GSDMB: variants seen among roughly 807,000 people sequenced by gnomAD.
GSDMB encodes gasdermin-B.
A neutral mutation model predicts 42.9 loss-of-function variants in GSDMB; 32 were observed. That is an observed-to-expected ratio of 0.75 (90% CI 0.56 to 1.00). The LOEUF (loss-of-function observed/expected upper bound fraction) is 1.00, where lower values mean the gene tolerates loss of function less well. Among genes scored for constraint, GSDMB ranks in the 50% least tolerant of loss-of-function variants. The pLI, the probability that GSDMB is intolerant of heterozygous loss-of-function variation, is 0.00. For missense variants in GSDMB, 468 were observed against 498.5 expected, an observed-to-expected ratio of 0.94 and a Z score of 0.58; for synonymous variants, 175 against 193.7, an observed-to-expected ratio of 0.90 and a Z score of 0.80.
rs111605941 is a variant in GSDMB at position 39,909,939 on chromosome 17, G to T, written c.408-15C>A. 7.5e-6 allele frequency: 12 copies of T among 1,604,776 alleles called. No homozygotes were observed. The African/African-American group carries it at 9.4e-5, about 13-fold the overall frequency. On this transcript the variant is annotated splice_polypyrimidine_tract_variant and intron_variant, in intron 3 of 10. Transcript: ENST00000418519. Reference sequence around the variant, plus strand: ...TCTTCAGCTTCCTGGAGAGAGTGGAGAGAGATGAGAGTTAAGGATCTCAGG... The same window carrying T: ...TCTTCAGCTTCCTGGAGAGAGTGGATAGAGATGAGAGTTAAGGATCTCAGG...
chr17:39,914,924 C>A (rs2063681569), intron 2 of GSDMB, among the ~76,000 whole-genome samples: 2 of 151,438 alleles, frequency 1.3e-5, no homozygotes, highest in Admixed American at 6.6e-5. Context: ...GCAACCTCCA[C>A]CTCCCAGGTT....
At chr17:39,914,118 C>T (rs774891910) in intron 2 of GSDMB, among the ~76,000 whole-genome samples, 6 of 152,174 alleles carry the variant, frequency 3.9e-5, no homozygotes, top group Non-Finnish European at 5.9e-5. Context: ...AGAAACCTGA[C>T]AAACATTACC....
chr17:39,906,397 C>T lies in GSDMB; in HGVS notation c.728-126G>A, dbSNP rs953059424. On this transcript the variant is annotated intron_variant, in intron 7 of 10. Coordinates refer to ENST00000418519, the MANE Select transcript of GSDMB (RefSeq NM_001165958.2). ...GTATCTTCCCTTCTTCCAGTCTTTC[C>T]GTGTTAAAATTAAGCATCCTTCTTC... The T allele has an allele frequency of 1.9e-5, 19 of 1,022,700 alleles. No individual in the cohort carries two copies. In the East Asian group the frequency reaches 4.0e-4, roughly 22 times the overall value. 63.4% of individuals were successfully genotyped at this position (1,022,700 alleles called of 1,614,324 possible). A position where few individuals can be genotyped will look rare whatever the true frequency, so the allele number is the denominator to read the frequency against.
chr17:39,908,623 G>A (rs12939832), intron 5 of GSDMB, among the ~76,000 whole-genome samples: 53,057 of 151,926 alleles, frequency 0.35, 10,792 homozygotes, highest in Non-Finnish European at 0.44. Flanking sequence ...CAGGTGATCC[G>A]CCCACCTTGG....
chr17:39,905,996 G>C lies in GSDMB; in HGVS notation c.889-11C>G, dbSNP rs759181514. 1.9e-6 allele frequency: 3 copies of C among 1,613,746 alleles called. No homozygotes were observed. Among genetic ancestry groups the C allele is most frequent in the Non-Finnish European group, 2.5e-6 (3 of 1,179,840 alleles). ...CAGGACCTCAGATACCTAGGGCCAG[G>C]AAGTGTGGGAGATGAGCAGCAGTCT... On this transcript the variant is annotated splice_polypyrimidine_tract_variant and intron_variant, in intron 8 of 10. Transcript: ENST00000418519.
intron 3 of GSDMB, among the ~76,000 whole-genome samples, chr17:39,910,738 C>A (rs2063592017): frequency 6.6e-6 from 1 of 152,174 alleles, no homozygotes; most frequent in Non-Finnish European, 1.5e-5. Flanking sequence ...ATGTTGAGAC[C>A]TAAAACAGTC....
At chr17:39,917,658 CA>C in intron 1 of GSDMB, 1 of 311,298 alleles carries the variant, frequency 3.2e-6, no homozygotes, top group South Asian at 3.0e-5. Flanking sequence ...AATATTTCTC[CA>C]CCCTTGAGAA....
Position 39,904,882 on chromosome 17 carries a change from A to T in GSDMB, c.1181T>A (p.Leu394His). ...DMDYDPEARI[L>H]CALYVVVSIL... ...AGAGACAACAACATACAGCGCACAG[A>T]GAATTCGTGCCTCAGGGTCATAGTC... is the stretch of plus-strand genomic sequence containing the variant. The change falls in exon 11 of 11, where the codon CTC (leucine) becomes CAC (histidine). Residue 394 changes from leucine to histidine, a missense_variant. Leu to His is a moderately conservative substitution (Grantham distance 99). Coordinates refer to ENST00000418519, the MANE Select transcript of GSDMB (RefSeq NM_001165958.2). 1 of 1,613,764 alleles carries T rather than the reference A, an allele frequency of 6.2e-7. No individual in the cohort carries two copies. Among genetic ancestry groups the T allele is most frequent in the Non-Finnish European group, 8.5e-7 (1 of 1,179,672 alleles).
rs749365025 is a variant in GSDMB at position 39,917,359 on chromosome 17, T to C, written c.-14-29A>G. On this transcript the variant is annotated intron_variant, in intron 1 of 10. Transcript: ENST00000418519. ...AGAAACAGAAGCCAATTTCAGTTTT[T>C]GGGAGGAGGGTATTGGTTCAAGTAT... 8.4e-6 allele frequency: 11 copies of C among 1,313,616 alleles called. No individual in the cohort carries two copies. In the East Asian group the frequency reaches 1.2e-4, roughly 14 times the overall value. 81.4% of individuals were successfully genotyped at this position (1,313,616 alleles called of 1,614,324 possible).
rs1489534884 is a variant in GSDMB at position 39,904,845 on chromosome 17, C to T, written c.1218G>A (p.Glu406=). 6.2e-7 allele frequency: 1 copy of T among 1,614,030 alleles called. No individual in the cohort carries two copies. The highest frequency in any genetic ancestry group is 1.1e-5 in the South Asian group (1 of 91,062). The change falls in exon 11 of 11, where the codon GAG becomes GAA. Residue 406 remains glutamate, a synonymous_variant. Coordinates refer to ENST00000418519, the MANE Select transcript of GSDMB (RefSeq NM_001165958.2). The part of the protein sequence containing the change: ...ALYVVVSILL[E]LAEGPTSVSS ...AGACAGAGGTAGGCCCCTCAGCCAGCTCCAGCAGGATAGAGACAACAACAT... is the reference window on the plus strand; with the variant it reads ...AGACAGAGGTAGGCCCCTCAGCCAGTTCCAGCAGGATAGAGACAACAACAT...
At chr17:39,916,457 TA>T (rs1302389861) in intron 2 of GSDMB, among the ~76,000 whole-genome samples, 1 of 151,288 alleles carries the variant, frequency 6.6e-6, no homozygotes, top group Admixed American at 6.6e-5. Context: ...TAATTTTTTG[TA>T]TTTTTTTTTT....
At chr17:39,908,318 T>A (rs1211202506) in intron 5 of GSDMB, 104 bp from the exon 6 acceptor site, 173 of 202,414 alleles carry the variant, frequency 8.5e-4, no homozygotes, top group Middle Eastern at 2.5e-3. Flanking sequence ...TATACCAGCC[T>A]CCAATCAAAA....
chr17:39,904,783 A>T lies in GSDMB; in HGVS notation c.*29T>A. 1 of 1,606,902 alleles carries T rather than the reference A, an allele frequency of 6.2e-7. No homozygotes were observed. The highest frequency in any genetic ancestry group is 2.2e-5 in the East Asian group (1 of 44,822). ...ACAGACTGGTAAAGGGAAAACCCAG[A>T]GGCTTGTGGGGAGAAAGGGCTTTTG... On this transcript the variant is annotated 3_prime_UTR_variant, in exon 11 of 11. Coordinates refer to ENST00000418519, the MANE Select transcript of GSDMB (RefSeq NM_001165958.2).
intron 8 of GSDMB, 36 bp downstream of exon 8, chr17:39,906,075 C>A: frequency 3.1e-6 from 5 of 1,610,172 alleles, no homozygotes; most frequent in Non-Finnish European, 4.2e-6. Context: ...TGGCTCCTAT[C>A]TCTCTCTGCC....
intron 9 of GSDMB, 137 bp downstream of exon 9, chr17:39,905,710 C>A (rs1036247121): frequency 1.0e-5 from 11 of 1,060,138 alleles, no homozygotes; most frequent in African/African-American, 1.6e-5. Flanking sequence ...CAATGCCTGG[C>A]CTGAGGAAGA....
At chr17:39,909,412 T>C (rs879864770) in intron 4 of GSDMB, 2 of 369,414 alleles carry the variant, frequency 5.4e-6, no homozygotes, top group South Asian at 3.8e-5. Flanking sequence ...ACAAAGAAAA[T>C]GAAGGCTGGG....
chr17:39,913,127 CAAAA>C (rs1372611690), intron 2 of GSDMB, among the ~76,000 whole-genome samples: 9 of 150,796 alleles, frequency 6.0e-5, no homozygotes, highest in African/African-American at 2.2e-4. Context: ...CAAAACAAAA[CAAAA>C]CAAGAAAAAG....
chr17:39,908,857 A>C, intron 5 of GSDMB, 101 bp downstream of exon 5: 1 of 757,980 alleles, frequency 1.3e-6, no homozygotes. Flanking sequence ...CAAGCTCACC[A>C]GCCACCCACC....
intron 2 of GSDMB, among the ~76,000 whole-genome samples, chr17:39,913,636 G>A (rs986524342): frequency 6.6e-6 from 1 of 152,166 alleles, no homozygotes; most frequent in Admixed American, 6.6e-5. Flanking sequence ...CAGTTCTGTC[G>A]CTGTTGTTTG....
Sources: allele counts gnomAD v4.1 joint callset (sites outside exome capture counted in the v4.1 genomes callset), GRCh38; gene constraint gnomAD v4.1.1; transcripts MANE v1.5; gene names NCBI Gene and HGNC (gene_info 2026-07-23, HGNC 2026-07-21).